C17orf99: variants seen among roughly 807,000 people sequenced by gnomAD.
C17orf99 encodes the protein protein IL-40.
A neutral mutation model predicts 22.6 loss-of-function variants in C17orf99; 18 were observed. The observed-to-expected ratio is 0.80, with a 90% CI of 0.55 to 1.18. C17orf99 has a LOEUF of 1.18. Among genes scored for constraint, C17orf99 ranks in the 50% most tolerant of loss-of-function variants. C17orf99 has a pLI of 0.00. For missense variants in C17orf99, 328 were observed against 342.7 expected, an observed-to-expected ratio of 0.96 and a Z score of 0.34; for synonymous variants, 147 against 136.6, an observed-to-expected ratio of 1.08 and a Z score of -0.53.
intron 2 of C17orf99, among the ~76,000 whole-genome samples, chr17:78,147,236 C>T (rs1329409007): frequency 1.3e-5 from 2 of 152,146 alleles, no homozygotes; most frequent in Non-Finnish European, 1.5e-5. Context: ...GGTCCCTGAT[C>T]GGGAGCAGAA....
intron 3 of C17orf99, among the ~76,000 whole-genome samples, chr17:78,163,830 C>T (rs1458773039): frequency 7.9e-5 from 12 of 152,216 alleles, no homozygotes; most frequent in Admixed American, 3.9e-4. Flanking sequence ...CGCGCCATTG[C>T]ACTCCAGCCT....
At chr17:78,154,715 G>A (rs1020790052) in intron 2 of C17orf99, among the ~76,000 whole-genome samples, 2 of 151,976 alleles carry the variant, frequency 1.3e-5, no homozygotes, top group Non-Finnish European at 1.5e-5. Context: ...GGTGACGCAT[G>A]CCTGTAATCC....
In C17orf99 at chr17:78,146,921, A is replaced by C; in HGVS notation, c.70+10A>C. Reference sequence around the variant, plus strand: ...AAGGCACGGGAGGAAGGTAAGTGGCATAGCCTGCTGCAGGGAGAAGTCCCC... The same window carrying C: ...AAGGCACGGGAGGAAGGTAAGTGGCCTAGCCTGCTGCAGGGAGAAGTCCCC... On this transcript the variant is annotated intron_variant, in intron 2 of 4. Coordinates refer to ENST00000340363, the MANE Select transcript of C17orf99 (RefSeq NM_001163075.2). The surrounding 1 kb of genome is among the most constrained non-coding windows in gnomAD (Gnocchi z 5.2). 1 of 1,551,390 alleles carries C rather than the reference A, an allele frequency of 6.4e-7. No homozygotes were observed. Among genetic ancestry groups the C allele is most frequent in the South Asian group, 1.2e-5 (1 of 84,054 alleles).
chr17:78,157,927 T>C, intron 2 of C17orf99: 2 of 1,156,884 alleles, frequency 1.7e-6, no homozygotes, highest in Non-Finnish European at 2.6e-6. Flanking sequence ...TGGTTGGTAC[T>C]GACATCTTTA....
chr17:78,157,354 T>G, intron 2 of C17orf99: 1 of 922,828 alleles, frequency 1.1e-6, no homozygotes, highest in South Asian at 1.4e-5. Context: ...GGCGGTGGGC[T>G]CGGAGGCTCA....
rs116745316 is a variant in C17orf99 at position 78,165,832 on chromosome 17, G to A, written c.641-57G>A. On this transcript the variant is annotated intron_variant, in intron 4 of 4. Transcript: ENST00000340363. ...CAAACGAACACTCTCAGACGCCTCG[G>A]GAGGGGATGGCTGGGAGGTGAGCCT... is the stretch of plus-strand genomic sequence containing the variant. 3.5e-3 allele frequency: 4,437 copies of A among 1,279,284 alleles called. 129 individuals carry two copies. In the African/African-American group the frequency reaches 0.061, roughly 17 times the overall value. 79.2% of individuals were successfully genotyped at this position (1,279,284 alleles called of 1,614,324 possible).
Position 78,158,541 on chromosome 17 carries a change from C to T in C17orf99, c.71-2414C>T, listed in dbSNP as rs556665951. ...CGATCTCCTGACCTCGTGATCCACCCGCCTTGGCCTCCCAAAGTGCTGGGA... is the reference window on the plus strand; with the variant it reads ...CGATCTCCTGACCTCGTGATCCACCTGCCTTGGCCTCCCAAAGTGCTGGGA... On this transcript the variant is annotated intron_variant, in intron 2 of 4. Coordinates refer to ENST00000340363, the MANE Select transcript of C17orf99 (RefSeq NM_001163075.2). 10 of 164,742 alleles carry T rather than the reference C, an allele frequency of 6.1e-5. No homozygotes were observed. In the South Asian group the frequency reaches 7.5e-4, roughly 12 times the overall value. The allele number at this position is 164,742 out of a possible 1,614,324, so 10.2% of individuals were successfully genotyped here.
intron 2 of C17orf99, among the ~76,000 whole-genome samples, chr17:78,148,232 A>G (rs1567815832): frequency 6.7e-6 from 1 of 150,166 alleles, no homozygotes; most frequent in Non-Finnish European, 1.5e-5. Context: ...AAAAAAAAAA[A>G]GAAAATGGCT....
At chr17:78,147,020 G>A in intron 2 of C17orf99, 109 bp downstream of exon 2, 1 of 925,750 alleles carries the variant, frequency 1.1e-6, no homozygotes, top group Non-Finnish European at 1.7e-6. Context: ...TAGTGGGGAG[G>A]TGTGTGCTGG....
At chr17:78,145,703 C>T (rs1471119131), upstream of C17orf99, among the ~76,000 whole-genome samples, 1 of 152,166 alleles carries the variant, frequency 6.6e-6, no homozygotes, top group Non-Finnish European at 1.5e-5. Context: ...GGACGGGCTC[C>T]TCCTCTCAAA....
intron 2 of C17orf99, chr17:78,158,992 A>G (rs568025856): frequency 6.1e-6 from 1 of 163,826 alleles, no homozygotes; most frequent in South Asian, 2.1e-4. Flanking sequence ...ATGGGGAGGG[A>G]AGAGGAGGAG....
At chr17:78,150,399 C>A (rs774585870) in intron 2 of C17orf99, among the ~76,000 whole-genome samples, 1 of 152,186 alleles carries the variant, frequency 6.6e-6, no homozygotes, top group Non-Finnish European at 1.5e-5. Flanking sequence ...CCTCTTTAGC[C>A]TCCCGAAGTG....
rs186780342 is a variant in C17orf99 at position 78,158,585 on chromosome 17, G to A, written c.71-2370G>A. ...GCTGGGATTACAGGCGTGAGCCACC[G>A]CGCCCGGCCTCCTCCTACACAATTT... On this transcript the variant is annotated intron_variant, in intron 2 of 4. Transcript: ENST00000340363. 5.9e-3 allele frequency: 942 copies of A among 158,730 alleles called. 5 individuals carry two copies. Among genetic ancestry groups the A allele is most frequent in the African/African-American group, 0.021 (886 of 41,642 alleles). The allele number at this position is 158,730 out of a possible 1,614,324, so 9.8% of individuals were successfully genotyped here. A position where few individuals can be genotyped will look rare whatever the true frequency, so the allele number is the denominator to read the frequency against.
intron 4 of C17orf99, chr17:78,165,682 G>A (rs62079089): frequency 0.13 from 116,091 of 913,368 alleles, 7,972 homozygotes; most frequent in Middle Eastern, 0.26. Flanking sequence ...CGCACCTGTA[G>A]TCCCAGCTAC....
intron 2 of C17orf99, chr17:78,159,979 T>G: frequency 2.3e-6 from 1 of 443,586 alleles, no homozygotes; most frequent in South Asian, 1.6e-5. Flanking sequence ...TGATAGATAT[T>G]TGGGCCGTTT....
At chr17:78,155,609 G>C (rs1436257545) in intron 2 of C17orf99, among the ~76,000 whole-genome samples, 1 of 151,948 alleles carries the variant, frequency 6.6e-6, no homozygotes, top group African/African-American at 2.4e-5. Flanking sequence ...GAGCTACTGT[G>C]CCCACCTGAT....
chr17:78,146,516 T>C lies in C17orf99; in HGVS notation c.37+72T>C, dbSNP rs2075438554. The C allele has an allele frequency of 2.2e-6, 3 of 1,377,950 alleles. No homozygotes were observed. The African/African-American group carries it at 4.3e-5, about 20-fold the overall frequency. 85.4% of individuals were successfully genotyped at this position (1,377,950 alleles called of 1,614,324 possible). A position where few individuals can be genotyped will look rare whatever the true frequency, so the allele number is the denominator to read the frequency against. ...AGGTCTTGGGCTCAGGTGGGGGTACTGGGAGCACAGGAGAGATGAGGCCTG... is the reference window on the plus strand; with the variant it reads ...AGGTCTTGGGCTCAGGTGGGGGTACCGGGAGCACAGGAGAGATGAGGCCTG... On this transcript the variant is annotated intron_variant, in intron 1 of 4. Coordinates refer to ENST00000340363, the MANE Select transcript of C17orf99 (RefSeq NM_001163075.2). This position sits in a 1 kb window ranked among gnomAD's most constrained non-coding sequence, Gnocchi z 5.2.
intron 2 of C17orf99, among the ~76,000 whole-genome samples, chr17:78,152,810 G>A (rs1471348087): frequency 6.6e-6 from 1 of 151,912 alleles, no homozygotes; most frequent in Admixed American, 6.6e-5. Context: ...AGGCCAGGCG[G>A]GTGGCTCACG....
At chr17:78,160,784 T>C (rs866328064) in intron 2 of C17orf99, 171 bp from the exon 3 acceptor site, 3 of 610,324 alleles carry the variant, frequency 4.9e-6, no homozygotes, top group East Asian at 5.5e-5. Context: ...ACTTTCACCA[T>C]GTTGGCTACA....
Sources: gnomAD v4.1 joint callset for allele counts (sites outside exome capture counted in the v4.1 genomes callset) on GRCh38, gnomAD v4.1.1 for gene constraint, Gnocchi (gnomAD v3.1) non-coding constraint, MANE v1.5 for transcripts, NCBI Gene and HGNC (gene_info 2026-07-23, HGNC 2026-07-21) for gene names.